The following SMYD3 variants were observed in gnomAD, a reference collection of about 807,000 sequenced individuals.
The protein encoded by SMYD3 is SET and MYND domain containing 3, also known as histone-lysine N-methyltransferase SMYD3.
A neutral mutation model predicts 57.7 loss-of-function variants in SMYD3; 36 were observed. The ratio of observed to expected loss-of-function variants is 0.62; its 90% confidence interval spans 0.48 to 0.82. The LOEUF is 0.82. Among genes scored for constraint, SMYD3 ranks in the 40% least tolerant of loss-of-function variants. SMYD3 has a pLI of 0.00. For synonymous variants in SMYD3, 211 were observed against 195.0 expected, an observed-to-expected ratio of 1.08 and a Z score of -0.68; for missense variants, 515 against 538.8, an observed-to-expected ratio of 0.96 and a Z score of 0.44.
chr1:246,238,988 CACA>C (rs2148470074), intron 5 of SMYD3, among the ~76,000 whole-genome samples: 1 of 150,738 alleles, frequency 6.6e-6, no homozygotes, highest in East Asian at 2.0e-4. Flanking sequence ...ATGAGCGTCA[CACA>C]ACGTTTTCGG....
intron 5 of SMYD3, among the ~76,000 whole-genome samples, chr1:246,267,001 T>C (rs2064122330): frequency 2.6e-5 from 4 of 152,232 alleles, no homozygotes; most frequent in Admixed American, 2.0e-4. Context: ...ATTTTATTTA[T>C]GGATAGTTAT....
At chr1:246,390,157 T>C (rs2066535065) in intron 1 of SMYD3, among the ~76,000 whole-genome samples, 1 of 128,324 alleles carries the variant, frequency 7.8e-6, no homozygotes, top group African/African-American at 2.9e-5. Flanking sequence ...ACGGCTACAG[T>C]GAGCTATGAT....
intron 8 of SMYD3, among the ~76,000 whole-genome samples, chr1:245,904,970 G>A (rs1452939641): frequency 1.3e-5 from 2 of 151,922 alleles, no homozygotes; most frequent in African/African-American, 2.4e-5. Context: ...GCTCCCAGAT[G>A]ACATTTCTAG....
In SMYD3 at chr1:246,185,371, G is replaced by T. The variant is rs151218315; in HGVS notation, c.531+141830C>A. Among the ~76,000 whole-genome samples, 728 of 148,614 alleles carry T rather than the reference G, an allele frequency of 4.9e-3. 2 individuals are homozygous for T. Among genetic ancestry groups the T allele is most frequent in the Middle Eastern group, 7.4e-3 (2 of 272 alleles). On this transcript the variant is annotated intron_variant, in intron 5 of 11. Transcript: ENST00000490107. ...CCTGCCTCATTCTCCTGAGTAGCTG[G>T]GACTGCAGGTGCCCGCCAACACGCC...
intron 5 of SMYD3, among the ~76,000 whole-genome samples, chr1:246,085,598 C>T (rs1429233278): frequency 6.6e-6 from 1 of 152,122 alleles, no homozygotes; most frequent in South Asian, 2.1e-4. Flanking sequence ...AAGCATCCTC[C>T]AGTTTATAAC....
chr1:245,882,235 A>T (rs1214542463), intron 8 of SMYD3, among the ~76,000 whole-genome samples: 1 of 152,200 alleles, frequency 6.6e-6, no homozygotes, highest in Non-Finnish European at 1.5e-5. Context: ...ACCTCTGTCA[A>T]TCGTGAGGTC....
intron 1 of SMYD3, among the ~76,000 whole-genome samples, chr1:246,361,343 T>C (rs911277859): frequency 6.6e-6 from 1 of 152,198 alleles, no homozygotes; most frequent in African/African-American, 2.4e-5. Flanking sequence ...TTTTACACTG[T>C]TGGTGGGAAT....
intron 5 of SMYD3, among the ~76,000 whole-genome samples, chr1:246,151,954 A>T (rs1354460437): frequency 1.2e-4 from 19 of 152,252 alleles, no homozygotes; most frequent in Non-Finnish European, 1.5e-5. Context: ...TCAAGTGGAC[A>T]ACTCCAACCC....
chr1:245,808,744 T>C lies in SMYD3; in HGVS notation c.1077-44595A>G, dbSNP rs1461856380. Reference sequence around the variant, plus strand: ...ACAGTGCTTTTTTTTGGAAATAAATTAGGTTGTGATTTCTTTTTTTTTTAG... The same window carrying C: ...ACAGTGCTTTTTTTTGGAAATAAATCAGGTTGTGATTTCTTTTTTTTTTAG... On this transcript the variant is annotated intron_variant, in intron 10 of 11. Transcript: ENST00000490107. 3.3e-5 allele frequency among the ~76,000 whole-genome samples: 5 copies of C among 152,028 alleles called. No individual in the cohort carries two copies. In the East Asian group the frequency reaches 9.7e-4, roughly 29 times the overall value.
At chr1:245,810,606 A>T (rs2048407381) in intron 10 of SMYD3, among the ~76,000 whole-genome samples, 1 of 152,128 alleles carries the variant, frequency 6.6e-6, no homozygotes, top group African/African-American at 2.4e-5. Flanking sequence ...AGAACTGATC[A>T]TCCCTCTGAC....
chr1:245,960,405 G>C (rs2147984819), intron 5 of SMYD3, among the ~76,000 whole-genome samples: 1 of 152,304 alleles, frequency 6.6e-6, no homozygotes, highest in Middle Eastern at 3.4e-3. Flanking sequence ...GCCTGAAAAT[G>C]ACCCCGACAT....
At chr1:245,911,363 G>C (rs148884347) in intron 8 of SMYD3, among the ~76,000 whole-genome samples, 1 of 151,890 alleles carries the variant, frequency 6.6e-6, no homozygotes, top group Admixed American at 6.6e-5. Context: ...CCAAACGTTG[G>C]ATATAGATCC....
intron 1 of SMYD3, among the ~76,000 whole-genome samples, chr1:246,414,715 T>TG (rs1320117080): frequency 3.6e-5 from 3 of 83,606 alleles, no homozygotes; most frequent in African/African-American, 4.7e-5. Context: ...GTTTTTTTGC[T>TG]GGTTTTTTTT....
At chr1:246,485,620 C>T (rs893696578) in intron 1 of SMYD3, among the ~76,000 whole-genome samples, 1 of 151,162 alleles carries the variant, frequency 6.6e-6, no homozygotes, top group African/African-American at 2.4e-5. Flanking sequence ...CCCCCCACAT[C>T]TCTACAAAAA....
chr1:246,249,999 T>C (rs1327924708), intron 5 of SMYD3, among the ~76,000 whole-genome samples: 2 of 152,208 alleles, frequency 1.3e-5, no homozygotes, highest in African/African-American at 4.8e-5. Flanking sequence ...ATAGAGCACA[T>C]TAATAACTGC....
At chr1:245,759,013 G>A (rs955534620) in intron 11 of SMYD3, among the ~76,000 whole-genome samples, 1 of 152,192 alleles carries the variant, frequency 6.6e-6, no homozygotes, top group African/African-American at 2.4e-5. Context: ...CCAGGCGGGA[G>A]TACAAGTTCA....
chr1:246,337,697 A>G (rs1406414734), intron 2 of SMYD3, among the ~76,000 whole-genome samples: 1 of 152,332 alleles, frequency 6.6e-6, no homozygotes, highest in Middle Eastern at 3.4e-3. Context: ...TCAGCAAAAC[A>G]AGGCAGAGAT....
In SMYD3 at chr1:246,481,603, T is replaced by TATATATATATATAC. The variant is rs1377736598; in HGVS notation, c.164+25450_164+25451insGTATATATATATAT. Among the ~76,000 whole-genome samples, 6 of 82,466 alleles carry TATATATATATATAC rather than the reference T, an allele frequency of 7.3e-5. 1 individual carries two copies. Among genetic ancestry groups the TATATATATATATAC allele is most frequent in the Non-Finnish European group, 1.4e-4 (6 of 44,356 alleles). The allele number at this position is 82,466 out of a possible 152,430, so 54.1% of individuals were successfully genotyped here. On this transcript the variant is annotated intron_variant, in intron 1 of 11. Transcript: ENST00000490107. ...GGACTTCTCAGGCTCCATATATATATATATACACATACATATATACATACA... is the reference window on the plus strand; with the variant it reads ...GGACTTCTCAGGCTCCATATATATATATATATATATATACATATACACATACATATATACATACA...
At chr1:245,777,955 C>T (rs1052070428) in intron 10 of SMYD3, among the ~76,000 whole-genome samples, 9 of 152,252 alleles carry the variant, frequency 5.9e-5, no homozygotes, top group East Asian at 5.8e-4. Flanking sequence ...ACTGTCTCTA[C>T]ACCCTGCCCC....
Sources: gnomAD v4.1 joint callset for allele counts (sites outside exome capture counted in the v4.1 genomes callset) on GRCh38, gnomAD v4.1.1 for gene constraint, MANE v1.5 for transcripts, NCBI Gene and HGNC (gene_info 2026-07-23, HGNC 2026-07-21) for gene names.